Variants in TTLL8 observed in about 807,000 individuals in gnomAD.
The protein encoded by TTLL8 is tubulin tyrosine ligase like 8.
A neutral mutation model predicts 77.8 loss-of-function variants in TTLL8; 65 were observed. That is an observed-to-expected ratio of 0.84 (90% CI 0.68 to 1.03). TTLL8 has a LOEUF of 1.03. Ranked by LOEUF, TTLL8 falls within the 50% of genes least tolerant of loss-of-function variation. The pLI, the probability that TTLL8 is intolerant of heterozygous loss-of-function variation, is 0.00. For synonymous variants in TTLL8, 402 were observed against 422.8 expected (o/e 0.95, Z 0.60); for missense variants, 910 against 1,004.5 (o/e 0.91, Z 1.27).
At chr22:50,049,623 C>T (rs992265518) in intron 2 of TTLL8, among the ~76,000 whole-genome samples, 1 of 152,112 alleles carries the variant, frequency 6.6e-6, no homozygotes, top group Non-Finnish European at 1.5e-5. Flanking sequence ...ATGGTGGAGA[C>T]AGCCCGGGAT....
chr22:50,056,859 C>G, upstream of TTLL8: 1 of 1,289,706 alleles, frequency 7.8e-7, no homozygotes, highest in Non-Finnish European at 1.0e-6. This position sits in a 1 kb window ranked among gnomAD's most constrained non-coding sequence, Gnocchi z 4.1. Context: ...AGGCAATACA[C>G]GATACCCACT....
chr22:50,052,779 G>A (rs2061450968), intron 1 of TTLL8, among the ~76,000 whole-genome samples: 1 of 152,164 alleles, frequency 6.6e-6, no homozygotes, highest in Non-Finnish European at 1.5e-5. Context: ...AACAAAACTA[G>A]AACTACAAAG....
rs371979830 is a variant in TTLL8, at chr22:50,045,987, G to A, written c.394-17C>T. ...CAGCCCGATCTCCAGAGACAGTGGC[G>A]TGTTAGGCAGGAGGGGCAGCTCAGC... On this transcript the variant is annotated splice_polypyrimidine_tract_variant and intron_variant, in intron 4 of 13. Coordinates refer to ENST00000266182, the Ensembl canonical transcript of TTLL8. The A allele has an allele frequency of 7.5e-6, 10 of 1,335,632 alleles. No individual in the cohort carries two copies. The highest frequency in any genetic ancestry group is 2.1e-5 in the Admixed American group (1 of 48,526). The allele number at this position is 1,335,632 out of a possible 1,614,324, so 82.7% of individuals were successfully genotyped here. A position where few individuals can be genotyped will look rare whatever the true frequency, so the allele number is the denominator to read the frequency against.
chr22:50,046,616 C>A (rs1296407066), intron 4 of TTLL8, among the ~76,000 whole-genome samples: 3 of 152,222 alleles, frequency 2.0e-5, no homozygotes, highest in Admixed American at 2.0e-4. Context: ...TTGTCCTGCA[C>A]CTCCGCCCCA....
intron 10 of TTLL8, 156 bp downstream of exon 11, chr22:50,033,046 G>C: frequency 6.4e-6 from 5 of 786,506 alleles, no homozygotes; most frequent in Non-Finnish European, 7.7e-6. Flanking sequence ...GAGATCATCA[G>C]CCTCCCAAGC....
At chr22:50,021,676 A>T (rs1225333932) in intron 12 of TTLL8, among the ~76,000 whole-genome samples, 2 of 101,678 alleles carry the variant, frequency 2.0e-5, no homozygotes, top group East Asian at 6.1e-4. Flanking sequence ...GACGACGTGC[A>T]CTCCTCCATC....
In TTLL8 at chr22:50,054,575, C is replaced by A; in HGVS notation, c.51+1G>T. On this transcript the variant is annotated splice_donor_variant, in intron 1 of 13. Transcript: ENST00000266182. LOFTEE classifies it high-confidence loss of function. The stretch of plus-strand genomic sequence containing the variant: ...GGGGAGCTGGGGTGTGGGGAACCTA[C>A]GCAGGCATTCTCTGAGTACCTGGAA... 1 of 243,582 alleles carries A rather than the reference C, an allele frequency of 4.1e-6. No homozygotes were observed. Among genetic ancestry groups the A allele is most frequent in the South Asian group, 6.3e-5 (1 of 15,824 alleles). 15.1% of individuals were successfully genotyped at this position (243,582 alleles called of 1,614,324 possible). A position where few individuals can be genotyped will look rare whatever the true frequency, so the allele number is the denominator to read the frequency against.
At position 50,044,364 on chromosome 22, in the gene TTLL8, A is replaced by G. The variant is rs1333144455; in HGVS notation, c.643+891T>C. On this transcript the variant is annotated intron_variant, in intron 6 of 13. Coordinates refer to ENST00000266182, the Ensembl canonical transcript of TTLL8. This position sits in a 1 kb window ranked among gnomAD's most constrained non-coding sequence, Gnocchi z 4.2. ...AGGAGGCCATCAGATGAGGTGGCCC[A>G]AGTGACCTGGTCTCCGACCAATGCA... 6.6e-6 allele frequency among the ~76,000 whole-genome samples: 1 copy of G among 152,090 alleles called. No homozygotes were observed. Among genetic ancestry groups the G allele is most frequent in the African/African-American group, 2.4e-5 (1 of 41,406 alleles).
At chr22:50,052,118 G>A (rs570323708) in intron 1 of TTLL8, among the ~76,000 whole-genome samples, 2 of 142,346 alleles carry the variant, frequency 1.4e-5, no homozygotes, top group East Asian at 2.0e-4. Flanking sequence ...TCCCAGCACC[G>A]CTCTGGGCCG....
At chr22:50,031,711 C>T in exon 11 of TTLL8, 1 of 1,324,516 alleles carries the variant, frequency 7.5e-7, no homozygotes, top group Non-Finnish European at 1.0e-6. Flanking sequence ...CTCGAAGTTG[C>T]CGATGTCACA....
intron 12 of TTLL8, 39 bp downstream of exon 13, chr22:50,030,391 C>T (rs751992880): frequency 1.6e-6 from 2 of 1,270,128 alleles, no homozygotes; most frequent in Non-Finnish European, 2.0e-6. Context: ...CAGCAGGCGG[C>T]CCCCAAGCCC....
rs780232962 is a variant in TTLL8, at chr22:50,041,195, C to G, written c.913G>C (p.Asp305His). The G allele has an allele frequency of 2.2e-6, 1 of 454,234 alleles. No homozygotes were observed. The highest frequency in any genetic ancestry group is 3.0e-5 in the Admixed American group (1 of 32,890). The allele number at this position is 454,234 out of a possible 1,614,324, so 28.1% of individuals were successfully genotyped here. Residue 305 changes from aspartate to histidine, a missense_variant, in exon 8 of 14, where the codon GAC becomes CAC. Physicochemically the swap from Asp to His is moderately conservative, Grantham distance 81. This residue lies in a region of TTLL8 where 776 missense variants were observed against 926.1 expected (regional missense o/e 0.84). Coordinates refer to ENST00000266182, the Ensembl canonical transcript of TTLL8. The surrounding 1 kb of genome is among the most constrained non-coding windows in gnomAD (Gnocchi z 4.3). ...AGACAGACAAACCCCACCTGCCTGT[C>G]TCGGGCTGTGGGGGGCTCAAATGAC...
At chr22:50,048,636 C>T (rs1377092306) in intron 3 of TTLL8, among the ~76,000 whole-genome samples, 5 of 152,198 alleles carry the variant, frequency 3.3e-5, no homozygotes, top group Admixed American at 6.5e-5. Flanking sequence ...CCTGGAAGGG[C>T]GAGCTCACTG....
At chr22:50,030,778 G>A in exon 12 of TTLL8, 1 of 1,347,266 alleles carries the variant, frequency 7.4e-7, no homozygotes, top group African/African-American at 1.5e-5. Context: ...ATGGCCGAGG[G>A]GCCCCGTGCC....
chr22:50,056,824 C>T (rs535474873), upstream of TTLL8: 262 of 1,289,654 alleles, frequency 2.0e-4, 3 homozygotes, highest in South Asian at 1.7e-3. This position sits in a 1 kb window ranked among gnomAD's most constrained non-coding sequence, Gnocchi z 4.1. Flanking sequence ...GAGCCCGGGC[C>T]ACTCTGGGCG....
intron 1 of TTLL8, among the ~76,000 whole-genome samples, chr22:50,053,147 G>A (rs1331550341): frequency 1.3e-5 from 2 of 150,648 alleles, no homozygotes; most frequent in Admixed American, 6.7e-5. Context: ...GCTTGAACCT[G>A]GAAGGCAAAG....
At chr22:50,052,452 T>C (rs563862827) in intron 1 of TTLL8, among the ~76,000 whole-genome samples, 88 of 151,944 alleles carry the variant, frequency 5.8e-4, no homozygotes, top group African/African-American at 2.1e-3. Flanking sequence ...GGAGAGCACA[T>C]GAAAGGAGAG....
chr22:50,057,110 T>A (rs565859849), upstream of TTLL8, among the ~76,000 whole-genome samples: 1 of 120,428 alleles, frequency 8.3e-6, no homozygotes, highest in East Asian at 2.8e-4. Flanking sequence ...CAGGTCTGGG[T>A]TGGGGGATGA....
intron 8 of TTLL8, among the ~76,000 whole-genome samples, chr22:50,035,494 G>T (rs1267538558): frequency 1.3e-5 from 2 of 152,152 alleles, no homozygotes; most frequent in Non-Finnish European, 2.9e-5. Flanking sequence ...GGGAAGGACT[G>T]AAGGCGACCT....
Sources: allele counts gnomAD v4.1 joint callset (sites outside exome capture counted in the v4.1 genomes callset), GRCh38; gene constraint gnomAD v4.1.1; regional missense constraint gnomAD v4.1.1; non-coding constraint Gnocchi (gnomAD v3.1); transcripts MANE v1.5; gene names NCBI Gene and HGNC (gene_info 2026-07-23, HGNC 2026-07-21).